The following PXYLP1 variants were observed in gnomAD, a reference collection of about 807,000 sequenced individuals.
The protein encoded by PXYLP1 is acid phosphatase-like 2.
Under a neutral mutation model 37.9 loss-of-function variants are expected in PXYLP1, and 17 were observed. The observed-to-expected ratio is 0.45, with a 90% CI of 0.31 to 0.67. The LOEUF is 0.67. PXYLP1 is among the 30% of genes least tolerant of loss of function. PXYLP1 has a pLI of 0.07. For synonymous variants in PXYLP1, 221 were observed against 232.2 expected, an observed-to-expected ratio of 0.95 and a Z score of 0.44; for missense variants, 511 against 612.0, an observed-to-expected ratio of 0.84 and a Z score of 1.74.
intron 1 of PXYLP1, among the ~76,000 whole-genome samples, chr3:141,259,025 A>G (rs1481776103): frequency 6.6e-6 from 1 of 152,196 alleles, no homozygotes; most frequent in Admixed American, 6.5e-5. Context: ...GTGGTAGGCA[A>G]GGGGCTCTGG....
At chr3:141,253,692 T>TAAA (rs5853027) in intron 1 of PXYLP1, among the ~76,000 whole-genome samples, 143 of 144,624 alleles carry the variant, frequency 9.9e-4, no homozygotes, top group Admixed American at 1.4e-3. Context: ...GAAACTTTTC[T>TAAA]AAAAAAAAAA....
chr3:141,287,859 A>G (rs1427404205), intron 5 of PXYLP1, among the ~76,000 whole-genome samples: 3 of 152,216 alleles, frequency 2.0e-5, no homozygotes, highest in Non-Finnish European at 4.4e-5. Flanking sequence ...TTTCCCTATG[A>G]ATAACTGTTT....
At chr3:141,233,034 G>A (rs1489642699) in intron 1 of PXYLP1, among the ~76,000 whole-genome samples, 1 of 152,224 alleles carries the variant, frequency 6.6e-6, no homozygotes, top group Non-Finnish European at 1.5e-5. Flanking sequence ...TTTGCAGAAG[G>A]CCCGTGGGTG....
intron 1 of PXYLP1, among the ~76,000 whole-genome samples, chr3:141,242,139 A>C (rs560187085): frequency 6.6e-6 from 1 of 152,262 alleles, no homozygotes; most frequent in South Asian, 2.1e-4. Flanking sequence ...ACTTATACCA[A>C]TGCTTCTGGC....
intron 2 of PXYLP1, chr3:141,272,596 G>T (rs1195817694): frequency 2.0e-5 from 3 of 153,132 alleles, no homozygotes; most frequent in African/African-American, 4.8e-5. Flanking sequence ...TTATAAAGGG[G>T]AGTTTATTAA....
chr3:141,261,265 C>A (rs112709736), intron 2 of PXYLP1, among the ~76,000 whole-genome samples: 2,128 of 152,208 alleles, frequency 0.014, 19 homozygotes, highest in Non-Finnish European at 0.021. Context: ...GTAATCTTCC[C>A]ACCTCAGCTT....
chr3:141,281,404 CGAAGAAG>C (rs1941951253), intron 4 of PXYLP1, among the ~76,000 whole-genome samples: 1 of 152,086 alleles, frequency 6.6e-6, no homozygotes, highest in African/African-American at 2.4e-5. Context: ...TCTGAGGAGT[CGAAGAAG>C]AAAGGCCGCT....
In PXYLP1 at chr3:141,292,643, C is replaced by G; in HGVS notation, c.881C>G (p.Pro294Arg). 1 of 1,613,534 alleles carries G rather than the reference C, an allele frequency of 6.2e-7. No homozygotes were observed. Among genetic ancestry groups the G allele is most frequent in the Non-Finnish European group, 8.5e-7 (1 of 1,179,714 alleles). Residue 294 changes from proline (P) to arginine (R), a missense_variant, in exon 6 of 6, where the codon CCC becomes CGC. By Grantham distance (103) the Pro-to-Arg change is moderately radical. Coordinates refer to ENST00000286353, the MANE Select transcript of PXYLP1 (RefSeq NM_001037172.3). This position sits in a 1 kb window ranked among gnomAD's most constrained non-coding sequence, Gnocchi z 4.3. ...ACCAAGCAGCTTAGAGCTGCCAACCCCATAGACTCCATGCTCTGCCACTTC... is the reference window on the plus strand; with the variant it reads ...ACCAAGCAGCTTAGAGCTGCCAACCGCATAGACTCCATGCTCTGCCACTTC... ...VPTKQLRAAN[P>R]IDSMLCHFCH...
At chr3:141,268,495 T>C (rs1414267594) in intron 2 of PXYLP1, among the ~76,000 whole-genome samples, 1 of 152,144 alleles carries the variant, frequency 6.6e-6, no homozygotes, top group Non-Finnish European at 1.5e-5. Context: ...TCACTCCCTG[T>C]TGTCTTGGCA....
chr3:141,238,120 G>C (rs1019688049), intron 1 of PXYLP1, among the ~76,000 whole-genome samples: 1 of 152,224 alleles, frequency 6.6e-6, no homozygotes. Flanking sequence ...CTCTGAGCAA[G>C]AAATGGCACA....
intron 2 of PXYLP1, among the ~76,000 whole-genome samples, chr3:141,268,198 AGAGAGAGAGT>A (rs1419226006): frequency 0.068 from 2,973 of 44,012 alleles, 55 homozygotes; most frequent in African/African-American, 0.14. Context: ...AGAGAGAGAG[AGAGAGAGAGT>A]GTGTGTGTGT....
rs1942309675 is a variant in PXYLP1 at position 141,294,734 on chromosome 3, A to G, written c.*1529A>G. 1 of 152,238 alleles carries G rather than the reference A, an allele frequency of 6.6e-6. No homozygotes were observed. The highest frequency in any genetic ancestry group is 2.4e-5 in the African/African-American group (1 of 41,456). The allele number at this position is 152,238 out of a possible 1,614,324, so 9.4% of individuals were successfully genotyped here. On this transcript the variant is annotated 3_prime_UTR_variant, in exon 6 of 6. Coordinates refer to ENST00000286353, the MANE Select transcript of PXYLP1 (RefSeq NM_001037172.3). The stretch of plus-strand genomic sequence containing the variant: ...TTCCCCCTTCATTCAAATGTCATGC[A>G]GAGAACCAGTATTTTAAAATTTTAT...
chr3:141,267,632 A>C (rs981396060), intron 2 of PXYLP1: 1 of 149,030 alleles, frequency 6.7e-6, no homozygotes, highest in Non-Finnish European at 1.5e-5. Context: ...AAAAAAAAAC[A>C]CCATAGATGA....
intron 2 of PXYLP1, among the ~76,000 whole-genome samples, chr3:141,261,616 C>G (rs1298518130): frequency 1.3e-5 from 2 of 152,208 alleles, no homozygotes; most frequent in Admixed American, 6.5e-5. Context: ...GCGTGAGCCA[C>G]CACGCCCGGC....
chr3:141,288,241 C>T (rs1462606389), intron 5 of PXYLP1, among the ~76,000 whole-genome samples: 2 of 152,222 alleles, frequency 1.3e-5, no homozygotes, highest in African/African-American at 2.4e-5. Context: ...AGGACCTTTG[C>T]CTGGTCACCA....
At chr3:141,245,660 G>A (rs186400889) in intron 1 of PXYLP1, among the ~76,000 whole-genome samples, 174 of 152,322 alleles carry the variant, frequency 1.1e-3, no homozygotes, top group Non-Finnish European at 3.1e-4. Context: ...GAAAGGAGAA[G>A]AAACACCTCC....
chr3:141,286,377 T>C (rs1244243034), intron 4 of PXYLP1, among the ~76,000 whole-genome samples: 2 of 152,098 alleles, frequency 1.3e-5, no homozygotes, highest in African/African-American at 4.8e-5. Context: ...AAACGTGGAG[T>C]GGATTGTAAA....
chr3:141,248,040 T>TTTTTA (rs1941005366), intron 1 of PXYLP1, among the ~76,000 whole-genome samples: 1 of 149,820 alleles, frequency 6.7e-6, no homozygotes, highest in Non-Finnish European at 1.5e-5. Flanking sequence ...TTTTTTTTTT[T>TTTTTA]GAGATGGAGT....
At chr3:141,237,296 C>T (rs1021278954) in intron 1 of PXYLP1, among the ~76,000 whole-genome samples, 1 of 152,170 alleles carries the variant, frequency 6.6e-6, no homozygotes, top group Non-Finnish European at 1.5e-5. Context: ...GTATGTAGCA[C>T]CCAGAAACCT....
Sources: allele counts gnomAD v4.1 joint callset (sites outside exome capture counted in the v4.1 genomes callset), GRCh38; gene constraint gnomAD v4.1.1; non-coding constraint Gnocchi (gnomAD v3.1); transcripts MANE v1.5; gene names NCBI Gene and HGNC (gene_info 2026-07-23, HGNC 2026-07-21).